SLC35D4: variants seen among roughly 807,000 people sequenced by gnomAD.
The protein encoded by SLC35D4 is UDP-N-acetylglucosamine transporter SLC35D4.
the SLC35D4 span, chr18:23,376,794 T>C: frequency 2.2e-6 from 1 of 456,418 alleles, no homozygotes; most frequent in Non-Finnish European, 4.4e-6. Context: ...GACACCTGCC[T>C]GCCTTCCCAC....
chr18:23,328,174 G>A, the SLC35D4 span, among the ~76,000 whole-genome samples: 3 of 152,092 alleles, frequency 2.0e-5, no homozygotes, highest in Non-Finnish European at 4.4e-5. Flanking sequence ...CACCACTCCT[G>A]TTCAACATAG....
the SLC35D4 span, among the ~76,000 whole-genome samples, chr18:23,366,410 G>A: frequency 3.3e-5 from 5 of 152,202 alleles, no homozygotes; most frequent in African/African-American, 1.2e-4. Flanking sequence ...AATCAAATTA[G>A]AGAATTAGGA....
At chr18:23,329,377 C>G in the SLC35D4 span, among the ~76,000 whole-genome samples, 1 of 152,128 alleles carries the variant, frequency 6.6e-6, no homozygotes, top group East Asian at 1.9e-4. Flanking sequence ...ACAAACCACC[C>G]CATCAATAAG....
chr18:23,420,013 T>TA, the SLC35D4 span, among the ~76,000 whole-genome samples: 1 of 151,884 alleles, frequency 6.6e-6, no homozygotes, highest in Non-Finnish European at 1.5e-5. Flanking sequence ...CATGGTAAAA[T>TA]AAGGGAATCG....
At chr18:23,389,834 C>G in the SLC35D4 span, among the ~76,000 whole-genome samples, 2 of 152,154 alleles carry the variant, frequency 1.3e-5, no homozygotes, top group Non-Finnish European at 2.9e-5. Context: ...GCCACCATAC[C>G]CGGCCAGTTT....
chr18:23,394,960 G>A, the SLC35D4 span, among the ~76,000 whole-genome samples: 4 of 111,008 alleles, frequency 3.6e-5, no homozygotes, highest in East Asian at 1.2e-3. Context: ...TCCAGCCTGG[G>A]CAACAAAAGC....
At chr18:23,436,371 T>A in the SLC35D4 span, among the ~76,000 whole-genome samples, 1 of 152,024 alleles carries the variant, frequency 6.6e-6, no homozygotes, top group East Asian at 1.9e-4. Flanking sequence ...ATCTTAAAGT[T>A]AAGAAACTTA....
the SLC35D4 span, among the ~76,000 whole-genome samples, chr18:23,396,052 T>G: frequency 1.3e-5 from 2 of 152,204 alleles, no homozygotes; most frequent in African/African-American, 4.8e-5. Flanking sequence ...CAAATAACTA[T>G]GTAGTGAATG....
the SLC35D4 span, among the ~76,000 whole-genome samples, chr18:23,329,290 T>A: frequency 6.6e-6 from 1 of 151,836 alleles, no homozygotes; most frequent in Non-Finnish European, 1.5e-5. Flanking sequence ...TGGGAGAAAA[T>A]TTTTGCAATC....
chr18:23,389,093 G>A, the SLC35D4 span, among the ~76,000 whole-genome samples: 1 of 149,948 alleles, frequency 6.7e-6, no homozygotes, highest in African/African-American at 2.5e-5. Context: ...GGGTTCAAGT[G>A]ATTCTCCTGC....
chr18:23,378,855 T>G, the SLC35D4 span, among the ~76,000 whole-genome samples: 1 of 152,200 alleles, frequency 6.6e-6, no homozygotes, highest in Non-Finnish European at 1.5e-5. Flanking sequence ...ACATGTGGCT[T>G]ACTACAAAGG....
chr18:23,424,832 T>A, the SLC35D4 span, among the ~76,000 whole-genome samples: 1 of 152,074 alleles, frequency 6.6e-6, no homozygotes, highest in Non-Finnish European at 1.5e-5. Flanking sequence ...CCAGCCTGGG[T>A]GACAGAGAGG....
At chr18:23,348,305 A>G in the SLC35D4 span, among the ~76,000 whole-genome samples, 5 of 152,226 alleles carry the variant, frequency 3.3e-5, no homozygotes, top group African/African-American at 1.2e-4. Flanking sequence ...GTGTATTCTG[A>G]AATCAATTGG....
At chr18:23,240,561 C>T in the SLC35D4 span, among the ~76,000 whole-genome samples, 1 of 152,260 alleles carries the variant, frequency 6.6e-6, no homozygotes, top group Non-Finnish European at 1.5e-5. Context: ...GTGAGGATCT[C>T]TGCCCAGACA....
At chr18:23,382,288 GT>G in the SLC35D4 span, among the ~76,000 whole-genome samples, 23 of 144,226 alleles carry the variant, frequency 1.6e-4, no homozygotes, top group Admixed American at 2.1e-4. Flanking sequence ...GAGAATATGA[GT>G]TTTTTTTTTT....
the SLC35D4 span, among the ~76,000 whole-genome samples, chr18:23,370,799 G>C: frequency 6.6e-6 from 1 of 152,158 alleles, no homozygotes; most frequent in Non-Finnish European, 1.5e-5. Flanking sequence ...CATTTCTAGA[G>C]AAGACCAATC....
At chr18:23,252,083 C>T in the SLC35D4 span, among the ~76,000 whole-genome samples, 909 of 144,794 alleles carry the variant, frequency 6.3e-3, 4 homozygotes, top group African/African-American at 0.02. Flanking sequence ...GAGACTCCGT[C>T]TCAAAAAAAA....
At chr18:23,420,027 G>A in the SLC35D4 span, among the ~76,000 whole-genome samples, 62 of 152,176 alleles carry the variant, frequency 4.1e-4, no homozygotes, top group Non-Finnish European at 6.0e-4. Context: ...GGAATCGCCG[G>A]GCACAGTGGT....
the SLC35D4 span, among the ~76,000 whole-genome samples, chr18:23,368,484 T>C: frequency 6.6e-6 from 1 of 152,182 alleles, no homozygotes; most frequent in Non-Finnish European, 1.5e-5. Context: ...AGATGCCACG[T>C]CCCGGAGAAG....
Sources: allele counts gnomAD v4.1 joint callset (sites outside exome capture counted in the v4.1 genomes callset), GRCh38; gene constraint gnomAD v4.1.1; transcripts MANE v1.5; gene names NCBI Gene and HGNC (gene_info 2026-07-23, HGNC 2026-07-21).